Variants in CCNB3 observed in about 807,000 individuals in gnomAD.
CCNB3 encodes cyclin B3, also known as G2/mitotic-specific cyclin-B3.
Under a neutral mutation model 68.0 loss-of-function variants are expected in CCNB3, and 12 were observed. That is an observed-to-expected ratio of 0.18 (90% confidence interval 0.11 to 0.29). The LOEUF is 0.29. Among genes scored for constraint, CCNB3 ranks in the 10% least tolerant of loss-of-function variants. CCNB3 has a pLI of 1.00. For missense variants in CCNB3, 904 were observed against 993.1 expected (o/e 0.91, Z 1.21); for synonymous variants, 354 against 388.9 (o/e 0.91, Z 1.06).
chrX:50,208,459 G>A (rs1258374604), intron 1 of CCNB3, among the ~76,000 whole-genome samples: 10 of 111,687 alleles, frequency 9.0e-5, no homozygotes, highest in Admixed American at 7.6e-4. Context: ...CAATGAACAC[G>A]GAACATCTTT....
At chrX:50,226,923 G>T (rs1308031351) in intron 1 of CCNB3, among the ~76,000 whole-genome samples, 4 of 60,605 alleles carry the variant, frequency 6.6e-5, no homozygotes, top group East Asian at 4.4e-4. Flanking sequence ...TATATATATA[G>T]AATATATATA....
chrX:50,228,672 AAT>A (rs1935981757), intron 1 of CCNB3, among the ~76,000 whole-genome samples: 1 of 83,140 alleles, frequency 1.2e-5, no homozygotes, highest in Admixed American at 1.7e-4. Context: ...ATATATATAG[AAT>A]ATATATAGAA....
At chrX:50,305,209 T>A (rs1557213318) in intron 5 of CCNB3, among the ~76,000 whole-genome samples, 1 of 112,078 alleles carries the variant, frequency 8.9e-6, no homozygotes, top group African/African-American at 3.2e-5. Flanking sequence ...TGCACATATA[T>A]ATTTATTGCA....
intron 1 of CCNB3, among the ~76,000 whole-genome samples, chrX:50,213,607 G>A (rs1389542269): frequency 9.0e-6 from 1 of 111,287 alleles, no homozygotes; most frequent in African/African-American, 3.3e-5. Flanking sequence ...TAAATATTTT[G>A]TTTAATTATC....
At chrX:50,292,676 A>G (rs1557210270) in intron 4 of CCNB3, among the ~76,000 whole-genome samples, 2 of 111,489 alleles carry the variant, frequency 1.8e-5, no homozygotes, top group African/African-American at 6.5e-5. Flanking sequence ...TATTATCAGT[A>G]TGGACTCCTG....
intron 5 of CCNB3, 122 bp from the exon 6 acceptor site, chrX:50,308,381 CTG>C: frequency 6.3e-6 from 3 of 473,380 alleles, no homozygotes; most frequent in Non-Finnish European, 1.1e-5. Flanking sequence ...TCCCTCTAAT[CTG>C]TCTTATGGGG....
intron 3 of CCNB3, among the ~76,000 whole-genome samples, chrX:50,286,212 G>A (rs771422344): frequency 3.6e-5 from 4 of 112,174 alleles, no homozygotes; most frequent in South Asian, 7.3e-4. Flanking sequence ...AATTTCTAGT[G>A]GGATTATTTA....
At chrX:50,287,578 A>G (rs1557209519) in intron 3 of CCNB3, among the ~76,000 whole-genome samples, 1 of 112,032 alleles carries the variant, frequency 8.9e-6, no homozygotes. Context: ...AAAATTGAGG[A>G]TTAGAGATTA....
At chrX:50,286,342 C>A (rs1327156772) in intron 3 of CCNB3, among the ~76,000 whole-genome samples, 1 of 111,742 alleles carries the variant, frequency 8.9e-6, no homozygotes, top group African/African-American at 3.3e-5. Flanking sequence ...GCTCAGTCAC[C>A]CAGGCTGGAG....
intron 1 of CCNB3, among the ~76,000 whole-genome samples, chrX:50,211,572 C>G (rs1935483482): frequency 1.8e-5 from 2 of 111,002 alleles, no homozygotes; most frequent in African/African-American, 6.6e-5. Flanking sequence ...ACCGGTTACT[C>G]AGGAGCCTGA....
intron 8 of CCNB3, among the ~76,000 whole-genome samples, chrX:50,323,404 C>G (rs1922135053): frequency 1.3e-5 from 1 of 78,512 alleles, no homozygotes; most frequent in Admixed American, 1.9e-4. Flanking sequence ...ACATCACACA[C>G]TGGGGCCTGT....
chrX:50,292,493 T>C (rs782009688), intron 4 of CCNB3, among the ~76,000 whole-genome samples: 219 of 111,764 alleles, frequency 2.0e-3, no homozygotes, highest in Admixed American at 2.9e-3. Flanking sequence ...TCTCAAAGTA[T>C]ATCTGGAGGC....
chrX:50,287,300 A>G (rs2147024975), intron 3 of CCNB3, among the ~76,000 whole-genome samples: 1 of 111,215 alleles, frequency 9.0e-6, no homozygotes, highest in South Asian at 3.9e-4. Context: ...AATATGTGGG[A>G]AAAAAGCCCC....
chrX:50,295,011 C>A lies in CCNB3; in HGVS notation c.335+18C>A. 1 of 1,190,827 alleles carries A rather than the reference C, an allele frequency of 8.4e-7. No individual in the cohort carries two copies. Among genetic ancestry groups the A allele is most frequent in the Non-Finnish European group, 1.1e-6 (1 of 882,985 alleles). On this transcript the variant is annotated intron_variant, in intron 5 of 12. Coordinates refer to ENST00000376042, the MANE Select transcript of CCNB3 (RefSeq NM_033031.3). ...CTAAAATGGTGAGTGAAAGGGGACTCAGATGGCATTATTTTAGATGGTAGA... is the reference window on the plus strand; with the variant it reads ...CTAAAATGGTGAGTGAAAGGGGACTAAGATGGCATTATTTTAGATGGTAGA...
intron 8 of CCNB3, among the ~76,000 whole-genome samples, chrX:50,336,464 C>T (rs1020530092): frequency 9.0e-6 from 1 of 111,699 alleles, no homozygotes; most frequent in African/African-American, 3.3e-5. Context: ...CCAGTAACTG[C>T]GAGGTATTCA....
chrX:50,227,339 CAG>C (rs1236791649), intron 1 of CCNB3, among the ~76,000 whole-genome samples: 2 of 70,830 alleles, frequency 2.8e-5, no homozygotes, highest in African/African-American at 5.5e-5. Context: ...AATATACACA[CAG>C]AATATATATA....
intron 8 of CCNB3, among the ~76,000 whole-genome samples, chrX:50,322,672 A>G (rs1922087326): frequency 8.9e-6 from 1 of 112,207 alleles, no homozygotes; most frequent in Non-Finnish European, 1.9e-5. Context: ...CAATCTACTC[A>G]TCTGACAAAG....
intron 9 of CCNB3, among the ~76,000 whole-genome samples, chrX:50,342,847 T>C (rs1173486486): frequency 1.8e-5 from 2 of 110,584 alleles, no homozygotes; most frequent in African/African-American, 6.6e-5. Context: ...GCTAGGACTA[T>C]AGGCATGCAC....
chrX:50,220,892 C>T (rs928175037), intron 1 of CCNB3, among the ~76,000 whole-genome samples: 54 of 111,419 alleles, frequency 4.8e-4, no homozygotes, highest in Non-Finnish European at 8.7e-4. Context: ...GGTTGTGAAT[C>T]CGTCTGGTCC....
Sources: allele counts gnomAD v4.1 joint callset (sites outside exome capture counted in the v4.1 genomes callset), GRCh38; gene constraint gnomAD v4.1.1; transcripts MANE v1.5; gene names NCBI Gene and HGNC (gene_info 2026-07-23, HGNC 2026-07-21).